The following DLG2 variants were observed in gnomAD, a reference collection of about 807,000 sequenced individuals.
DLG2 encodes disks large homolog 2.
DLG2 carries 45 observed loss-of-function variants against 132.5 expected under a neutral mutation model. That is an observed-to-expected ratio of 0.34 (90% CI 0.27 to 0.44). The LOEUF is 0.44. DLG2 is among the 20% of genes least tolerant of loss of function. The pLI is 1.00. For missense variants in DLG2, 1,045 were observed against 1,196.9 expected (o/e 0.87, Z 1.87); for synonymous variants, 424 against 419.6 (o/e 1.01, Z -0.13).
At chr11:83,928,929 C>T (rs200411429) in intron 15 of DLG2, among the ~76,000 whole-genome samples, 5 of 152,124 alleles carry the variant, frequency 3.3e-5, no homozygotes, top group Non-Finnish European at 7.4e-5. Flanking sequence ...CACTTCCTTA[C>T]GGCTATGGTG....
At chr11:85,042,120 T>C (rs141323286) in intron 6 of DLG2, among the ~76,000 whole-genome samples, 32 of 152,024 alleles carry the variant, frequency 2.1e-4, no homozygotes, top group African/African-American at 6.5e-4. Context: ...AGGAATGCAA[T>C]TGGAGACACA....
At chr11:84,903,081 C>G (rs957341976) in intron 6 of DLG2, among the ~76,000 whole-genome samples, 1 of 151,990 alleles carries the variant, frequency 6.6e-6, no homozygotes, top group African/African-American at 2.4e-5. Context: ...TTCCAACTCT[C>G]CTGTGAAAAT....
intron 6 of DLG2, among the ~76,000 whole-genome samples, chr11:84,806,921 GGTTT>G (rs1159216356): frequency 6.6e-6 from 1 of 151,986 alleles, no homozygotes; most frequent in Non-Finnish European, 1.5e-5. Context: ...ATGAAAATAA[GGTTT>G]CTATGCTTCA....
intron 6 of DLG2, among the ~76,000 whole-genome samples, chr11:84,551,017 C>T (rs2099400791): frequency 6.6e-6 from 1 of 152,078 alleles, no homozygotes; most frequent in African/African-American, 2.4e-5. Context: ...GGTGGTGGTG[C>T]AAATGGGCTT....
chr11:84,378,281 A>G (rs765870718), intron 7 of DLG2, among the ~76,000 whole-genome samples: 1 of 152,126 alleles, frequency 6.6e-6, no homozygotes, highest in Non-Finnish European at 1.5e-5. Flanking sequence ...GATGCACTGC[A>G]TACACACATC....
intron 7 of DLG2, among the ~76,000 whole-genome samples, chr11:84,398,373 A>G (rs2098818067): frequency 6.6e-6 from 1 of 152,200 alleles, no homozygotes; most frequent in African/African-American, 2.4e-5. Context: ...GTAGTACTAT[A>G]AAGAATAAAG....
chr11:84,770,618 T>G (rs1161049219), intron 6 of DLG2, among the ~76,000 whole-genome samples: 1 of 151,760 alleles, frequency 6.6e-6, no homozygotes, highest in East Asian at 1.9e-4. Flanking sequence ...TGCATCCACG[T>G]TGCTGTAAAG....
intron 3 of DLG2, among the ~76,000 whole-genome samples, chr11:85,486,154 T>A (rs2093423973): frequency 6.6e-6 from 1 of 150,910 alleles, no homozygotes; most frequent in East Asian, 2.0e-4. Flanking sequence ...TGAGCTGGGC[T>A]AGGGTTGTTG....
At chr11:83,742,808 C>T (rs1762827550) in intron 18 of DLG2, among the ~76,000 whole-genome samples, 1 of 152,096 alleles carries the variant, frequency 6.6e-6, no homozygotes, top group Admixed American at 6.6e-5. Context: ...ATTAAAGTTT[C>T]CTCATTATCT....
At chr11:83,673,103 T>C (rs2077106792) in intron 18 of DLG2, among the ~76,000 whole-genome samples, 1 of 152,014 alleles carries the variant, frequency 6.6e-6, no homozygotes, top group South Asian at 2.1e-4. Context: ...CAAAAAAAAC[T>C]CTCTGTGAGG....
intron 3 of DLG2, among the ~76,000 whole-genome samples, chr11:85,505,018 GTTATTGGT>G (rs774617568): frequency 1.1e-4 from 17 of 152,108 alleles, no homozygotes; most frequent in Non-Finnish European, 1.9e-4. Flanking sequence ...CTGTTTGTCT[GTTATTGGT>G]GTATTGGTGT....
At chr11:85,000,777 A>C (rs1166303957) in intron 6 of DLG2, among the ~76,000 whole-genome samples, 1 of 152,172 alleles carries the variant, frequency 6.6e-6, no homozygotes, top group Non-Finnish European at 1.5e-5. Context: ...GAGCAAGGGC[A>C]TTGCTTCACC....
intron 8 of DLG2, among the ~76,000 whole-genome samples, chr11:84,164,846 T>C (rs1331146055): frequency 1.3e-5 from 2 of 152,242 alleles, no homozygotes; most frequent in African/African-American, 2.4e-5. Flanking sequence ...AATCACAATT[T>C]ACTGTTTTAC....
intron 7 of DLG2, among the ~76,000 whole-genome samples, chr11:84,251,793 G>A (rs549695284): frequency 1.3e-5 from 2 of 151,520 alleles, no homozygotes; most frequent in Non-Finnish European, 2.9e-5. Context: ...GGCACACACC[G>A]CCACACCCAG....
chr11:84,338,167 C>T (rs1360255687), intron 7 of DLG2, among the ~76,000 whole-genome samples: 6 of 152,130 alleles, frequency 3.9e-5, no homozygotes, highest in Non-Finnish European at 7.4e-5. Flanking sequence ...CAAATCTGTA[C>T]AGTTCGAAGC....
chr11:83,997,810 C>T (rs7933909), intron 11 of DLG2, among the ~76,000 whole-genome samples: 145,200 of 147,656 alleles, frequency 0.98, 71,393 homozygotes, highest in East Asian at 1. Context: ...AAACCCAAAT[C>T]GTTTATCAGG....
At chr11:85,265,900 A>G (rs533479101) in intron 4 of DLG2, among the ~76,000 whole-genome samples, 34 of 152,250 alleles carry the variant, frequency 2.2e-4, no homozygotes, top group African/African-American at 7.5e-4. Context: ...AGCTTCTCTC[A>G]TTGCTCAATA....
intron 6 of DLG2, among the ~76,000 whole-genome samples, chr11:84,596,117 C>T (rs1339445926): frequency 6.6e-6 from 1 of 152,146 alleles, no homozygotes; most frequent in Non-Finnish European, 1.5e-5. Context: ...TATTAGGCAA[C>T]TTACAAACTT....
intron 6 of DLG2, among the ~76,000 whole-genome samples, chr11:85,013,007 T>C (rs1177439019): frequency 2.6e-5 from 4 of 152,188 alleles, no homozygotes; most frequent in Non-Finnish European, 5.9e-5. Flanking sequence ...CAATATTAAA[T>C]ATCTTCTCAT....
Sources: allele counts gnomAD v4.1 joint callset (sites outside exome capture counted in the v4.1 genomes callset), GRCh38; gene constraint gnomAD v4.1.1; transcripts MANE v1.5; gene names NCBI Gene and HGNC (gene_info 2026-07-23, HGNC 2026-07-21).